The following KLHL10 variants were observed in gnomAD, a reference collection of about 807,000 sequenced individuals.
KLHL10 encodes the protein kelch-like protein 10.
KLHL10 carries 11 observed loss-of-function variants against 46.6 expected under a neutral mutation model. That is an observed-to-expected ratio of 0.24 (90% CI 0.15 to 0.39). The LOEUF is 0.39. Among genes scored for constraint, KLHL10 ranks in the 10% least tolerant of loss-of-function variants. The pLI, the probability that KLHL10 is intolerant of heterozygous loss-of-function variation, is 1.00. For synonymous variants in KLHL10, 254 were observed against 279.1 expected (o/e 0.91, Z 0.90); for missense variants, 475 against 789.8 (o/e 0.60, Z 4.78).
upstream of KLHL10, chr17:41,836,072 T>C: frequency 5.0e-6 from 7 of 1,388,620 alleles, no homozygotes; most frequent in South Asian, 1.0e-4. Context: ...AGGGGGCGGC[T>C]ACTGGCCTGG....
chr17:41,836,432 G>A (rs1178476934), upstream of KLHL10: 13 of 985,142 alleles, frequency 1.3e-5, no homozygotes, highest in African/African-American at 1.9e-4. Flanking sequence ...AAGGTCCCAA[G>A]GTGTTGGGGT....
chr17:41,840,763 C>A (rs1310957418), intron 1 of KLHL10, among the ~76,000 whole-genome samples: 1 of 151,666 alleles, frequency 6.6e-6, no homozygotes, highest in East Asian at 1.9e-4. Context: ...GGTTTGCAGA[C>A]CCCTGCTCTA....
rs191398720 is a variant in KLHL10, at chr17:41,840,090, C to A, written c.195-1733C>A. ...AGGTGATCCGCCTGCCTCAGCCTCC[C>A]AGAGTGCTGGGATTACAGGCGTGAG... On this transcript the variant is annotated intron_variant, in intron 1 of 4. Transcript: ENST00000293303. 1.3e-4 allele frequency among the ~76,000 whole-genome samples: 20 copies of A among 152,290 alleles called. 1 individual carries two copies. In the East Asian group the frequency reaches 3.9e-3, roughly 29 times the overall value.
At chr17:41,839,882 TTTC>T (rs2048209055) in intron 1 of KLHL10, among the ~76,000 whole-genome samples, 1 of 62,952 alleles carries the variant, frequency 1.6e-5, no homozygotes, top group Non-Finnish European at 3.5e-5. Context: ...CTGGCTAATT[TTTC>T]TTTTTTTTTT....
upstream of KLHL10, chr17:41,836,059 G>T: frequency 7.1e-7 from 1 of 1,399,646 alleles, no homozygotes; most frequent in Non-Finnish European, 9.3e-7. Flanking sequence ...GCCGGGGTGC[G>T]CGAGGGGGCG....
chr17:41,845,645 A>G lies in KLHL10; in HGVS notation c.1204A>G (p.Thr402Ala), dbSNP rs782413970. Residue 402 changes from threonine (T) to alanine (A), a missense_variant, in exon 3 of 5, where the codon ACT (threonine) becomes GCT (alanine). Thr to Ala is a moderately conservative substitution (Grantham distance 58). Coordinates refer to ENST00000293303, the MANE Select transcript of KLHL10 (RefSeq NM_152467.5). The part of the protein sequence containing the change: ...GGFDGYVRLN[T>A]AERYEPETNQ... Reference sequence around the variant, plus strand: ...ATTTGATGGCTACGTGCGTCTAAACACTGCTGAACGTTATGAGCCAGAGAC... The same window carrying G: ...ATTTGATGGCTACGTGCGTCTAAACGCTGCTGAACGTTATGAGCCAGAGAC... 21 of 1,612,528 alleles carry G rather than the reference A, an allele frequency of 1.3e-5. No individual in the cohort carries two copies. Among genetic ancestry groups the G allele is most frequent in the Non-Finnish European group, 1.6e-5 (19 of 1,178,890 alleles).
upstream of KLHL10, chr17:41,836,479 G>T: frequency 1.0e-6 from 1 of 983,790 alleles, no homozygotes; most frequent in Non-Finnish European, 1.2e-6. Flanking sequence ...TCTTTGTGGA[G>T]GAAAAGCCTT....
chr17:41,844,583 C>G (rs1397321519), intron 2 of KLHL10, among the ~76,000 whole-genome samples: 4 of 137,652 alleles, frequency 2.9e-5, no homozygotes, highest in African/African-American at 1.1e-4. Context: ...GAGTCTTGCT[C>G]TGTGGCCCAG....
chr17:41,836,400 A>G (rs1272706802), upstream of KLHL10: 1 of 1,223,796 alleles, frequency 8.2e-7, no homozygotes, highest in Non-Finnish European at 1.0e-6. Flanking sequence ...GGAGGGTTCT[A>G]TTTATTATGA....
intron 1 of KLHL10, among the ~76,000 whole-genome samples, chr17:41,840,535 C>T (rs953617103): frequency 2.7e-5 from 4 of 150,268 alleles, no homozygotes; most frequent in African/African-American, 9.8e-5. Context: ...ATCCCAGCTA[C>T]TCGGGAGGCT....
intron 3 of KLHL10, 129 bp downstream of exon 3, chr17:41,845,872 A>G (rs747337351): frequency 6.4e-5 from 76 of 1,196,224 alleles, no homozygotes; most frequent in African/African-American, 1.1e-4. Context: ...TCTTTCTTCA[A>G]TTGACAAGGT....
At chr17:41,839,488 A>G (rs2048205235) in intron 1 of KLHL10, among the ~76,000 whole-genome samples, 1 of 152,172 alleles carries the variant, frequency 6.6e-6, no homozygotes, top group African/African-American at 2.4e-5. Flanking sequence ...ATTAACAAGG[A>G]TTAAGGGGAT....
chr17:41,836,538 T>A, upstream of KLHL10: 2 of 847,220 alleles, frequency 2.4e-6, no homozygotes, highest in Non-Finnish European at 2.8e-6. Context: ...AAAACATGAC[T>A]GGGGCTGGGC....
Position 41,845,468 on chromosome 17 carries a change from A to C in KLHL10, c.1027A>C (p.Ile343Leu), listed in dbSNP as rs1555621262. ...GAAYLKGYVY[I>L]IGGFDSVDYF... ...AGCCTATTTGAAAGGCTATGTGTAT[A>C]TCATTGGGGGGTTTGATAGTGTAGA... Residue 343 changes from isoleucine (I) to leucine (L), a missense_variant, in exon 3 of 5, where the codon ATC (isoleucine) becomes CTC (leucine). Physicochemically the swap from Ile to Leu is conservative, Grantham distance 5. Coordinates refer to ENST00000293303, the MANE Select transcript of KLHL10 (RefSeq NM_152467.5). 1 of 1,614,198 alleles carries C rather than the reference A, an allele frequency of 6.2e-7. No individual in the cohort carries two copies.
chr17:41,844,195 G>GAC (rs1567869199), intron 2 of KLHL10, among the ~76,000 whole-genome samples: 4 of 151,732 alleles, frequency 2.6e-5, no homozygotes, highest in Admixed American at 6.6e-5. Context: ...GAGTAGCTGG[G>GAC]ACTACAGGCA....
At position 41,838,275 on chromosome 17, in the gene KLHL10, T is replaced by C. The variant is rs1002963922; in HGVS notation, c.194+149T>C. 5 of 686,280 alleles carry C rather than the reference T, an allele frequency of 7.3e-6. No homozygotes were observed. The East Asian group carries it at 1.4e-4, about 19-fold the overall frequency. 42.5% of individuals were successfully genotyped at this position (686,280 alleles called of 1,614,324 possible). ...CTTAAAAATTAAAAAAAAATTTTTT[T>C]TTTAGAGATAAGCTCTCATTCTTTC... is the stretch of plus-strand genomic sequence containing the variant. On this transcript the variant is annotated intron_variant, in intron 1 of 4. Coordinates refer to ENST00000293303, the MANE Select transcript of KLHL10 (RefSeq NM_152467.5).
intron 3 of KLHL10, among the ~76,000 whole-genome samples, chr17:41,846,983 T>G (rs1405038610): frequency 1.3e-5 from 2 of 151,920 alleles, no homozygotes; most frequent in African/African-American, 2.4e-5. Flanking sequence ...AGCGTGGCAG[T>G]GTGCGCCTGT....
At position 41,848,149 on chromosome 17, in the gene KLHL10, G is replaced by A; in HGVS notation, c.1669G>A (p.Ala557Thr). Residue 557 changes from alanine (A) to threonine (T), a missense_variant, in exon 5 of 5, where the codon GCT becomes ACT. By Grantham distance (58) the Ala-to-Thr change is moderately conservative (BLOSUM62 0). Transcript: ENST00000293303. ...TGAAAAGACCGATGAGTGGTATGATGCTCATGACATGAGTATATACCGCAG... is the reference window on the plus strand; with the variant it reads ...TGAAAAGACCGATGAGTGGTATGATACTCATGACATGAGTATATACCGCAG... ...YDEKTDEWYD[A>T]HDMSIYRSAL... The A allele has an allele frequency of 6.2e-7, 1 of 1,614,124 alleles. No homozygotes were observed.
intron 1 of KLHL10, among the ~76,000 whole-genome samples, chr17:41,840,281 A>T (rs2048213581): frequency 6.6e-6 from 1 of 152,240 alleles, no homozygotes; most frequent in African/African-American, 2.4e-5. Flanking sequence ...ATTTATGGAC[A>T]CTGAAATTTA....
Sources: allele counts gnomAD v4.1 joint callset (sites outside exome capture counted in the v4.1 genomes callset), GRCh38; gene constraint gnomAD v4.1.1; transcripts MANE v1.5; gene names NCBI Gene and HGNC (gene_info 2026-07-23, HGNC 2026-07-21).